Variants in HOMER1 observed in about 807,000 individuals in gnomAD.
The protein encoded by HOMER1 is homer protein homolog 1.
Under a neutral mutation model 48.9 loss-of-function variants are expected in HOMER1, and 3 were observed. That is an observed-to-expected ratio of 0.06 (90% CI 0.03 to 0.16). The LOEUF (loss-of-function observed/expected upper bound fraction) is 0.16, where lower values mean the gene tolerates loss of function less well. HOMER1 is among the 10% of genes least tolerant of loss of function. The probability of loss-of-function intolerance (pLI) is 1.00; values close to 1 mark genes in which losing one functional copy is unlikely to be tolerated. For synonymous variants in HOMER1, 134 were observed against 146.4 expected, an observed-to-expected ratio of 0.92 and a Z score of 0.61; for missense variants, 247 against 411.4, an observed-to-expected ratio of 0.60 and a Z score of 3.46.
Position 79,430,660 on chromosome 5 carries a change from C to T in HOMER1, c.527+8350G>A, listed in dbSNP as rs115679525. Among the ~76,000 whole-genome samples the T allele has an allele frequency of 6.4e-3, 980 of 152,240 alleles. 8 individuals are homozygous for T. Among genetic ancestry groups the T allele is most frequent in the African/African-American group, 0.021 (885 of 41,548 alleles). On this transcript the variant is annotated intron_variant, in intron 5 of 8. Coordinates refer to ENST00000334082, the MANE Select transcript of HOMER1 (RefSeq NM_004272.5). ...TGGATGGATAAATAAAACATGGTGC[C>T]GGGCGTGGTGGCTCACGCCTGTAAT...
intron 5 of HOMER1, among the ~76,000 whole-genome samples, chr5:79,427,529 C>T (rs1215752078): frequency 6.6e-6 from 1 of 152,174 alleles, no homozygotes; most frequent in African/African-American, 2.4e-5. Context: ...GCTGGGATTA[C>T]AGGCGTGCAC....
At chr5:79,433,042 T>C (rs1006929862) in intron 5 of HOMER1, among the ~76,000 whole-genome samples, 4 of 152,236 alleles carry the variant, frequency 2.6e-5, no homozygotes, top group African/African-American at 9.6e-5. Context: ...AGTCACTTCT[T>C]GTGAAACCAA....
intron 1 of HOMER1, among the ~76,000 whole-genome samples, chr5:79,484,414 C>A (rs1752038765): frequency 6.6e-6 from 1 of 152,016 alleles, no homozygotes. Flanking sequence ...TGTACATGAT[C>A]TAAACACCCA....
chr5:79,418,020 A>G (rs573923938), intron 5 of HOMER1, among the ~76,000 whole-genome samples: 2 of 152,338 alleles, frequency 1.3e-5, no homozygotes, highest in Non-Finnish European at 2.9e-5. Flanking sequence ...TTGAATCAGA[A>G]AACTTTTGCA....
intron 2 of HOMER1, among the ~76,000 whole-genome samples, chr5:79,452,427 G>A (rs759950801): frequency 1.3e-5 from 2 of 152,056 alleles, no homozygotes; most frequent in Non-Finnish European, 2.9e-5. Flanking sequence ...TTAGTCTAAC[G>A]CACTCCAAAT....
intron 8 of HOMER1, among the ~76,000 whole-genome samples, chr5:79,393,703 A>G (rs1749309577): frequency 6.6e-6 from 1 of 152,192 alleles, no homozygotes; most frequent in Non-Finnish European, 1.5e-5. Flanking sequence ...AAATAATCAG[A>G]AAGGCAAAGA....
intron 8 of HOMER1, among the ~76,000 whole-genome samples, chr5:79,381,971 A>C (rs1420859500): frequency 6.6e-6 from 1 of 152,204 alleles, no homozygotes; most frequent in African/African-American, 2.4e-5. Flanking sequence ...TATAAAAAAG[A>C]ATCAAACAGA....
intron 1 of HOMER1, among the ~76,000 whole-genome samples, chr5:79,467,749 A>C (rs1751512152): frequency 6.6e-6 from 1 of 152,198 alleles, no homozygotes; most frequent in African/African-American, 2.4e-5. Context: ...AATTTGAATA[A>C]TCGGCCACAT....
chr5:79,445,472 T>C (rs2112285231), intron 4 of HOMER1, among the ~76,000 whole-genome samples: 1 of 152,366 alleles, frequency 6.6e-6, no homozygotes, highest in African/African-American at 2.4e-5. Flanking sequence ...TCAACTTTAC[T>C]TGGAGATATA....
intron 1 of HOMER1, among the ~76,000 whole-genome samples, chr5:79,470,941 G>A (rs866515804): frequency 9.2e-5 from 14 of 152,152 alleles, no homozygotes; most frequent in Middle Eastern, 3.4e-3. Flanking sequence ...ATACATGGAG[G>A]ATACACTTAC....
intron 1 of HOMER1, among the ~76,000 whole-genome samples, chr5:79,507,990 C>T (rs1752825285): frequency 6.6e-6 from 1 of 152,202 alleles, no homozygotes. Flanking sequence ...GTCACCATCC[C>T]TCCCCTCCCC....
At chr5:79,425,699 A>T (rs1750228940) in intron 5 of HOMER1, among the ~76,000 whole-genome samples, 2 of 151,980 alleles carry the variant, frequency 1.3e-5, no homozygotes, top group African/African-American at 4.8e-5. Context: ...GTGTTCTTGG[A>T]CTCAGGTAAC....
chr5:79,455,015 A>G (rs1337966345), intron 2 of HOMER1, among the ~76,000 whole-genome samples: 3 of 152,096 alleles, frequency 2.0e-5, no homozygotes, highest in Non-Finnish European at 4.4e-5. Context: ...TCTGGATATA[A>G]TCATAGCTCA....
At chr5:79,387,396 T>C (rs1749146107) in intron 8 of HOMER1, among the ~76,000 whole-genome samples, 1 of 152,134 alleles carries the variant, frequency 6.6e-6, no homozygotes, top group Admixed American at 6.6e-5. Context: ...CCCAAAGTAC[T>C]GGGATTACAG....
In HOMER1 at chr5:79,489,380, C is replaced by T. The variant is rs556433106; in HGVS notation, c.5+23390G>A. 1.3e-3 allele frequency among the ~76,000 whole-genome samples: 205 copies of T among 152,160 alleles called. 1 individual carries two copies. The highest frequency in any genetic ancestry group is 2.5e-3 in the Non-Finnish European group (172 of 68,002). ...GCTCTACCATCAGCTAGCATTGAGA[C>T]TTTGGGCAAAGTCCTCAGTTGCCTC... On this transcript the variant is annotated intron_variant, in intron 1 of 8. Coordinates refer to ENST00000334082, the MANE Select transcript of HOMER1 (RefSeq NM_004272.5).
At chr5:79,407,273 T>C (rs1347248677) in intron 5 of HOMER1, among the ~76,000 whole-genome samples, 1 of 151,782 alleles carries the variant, frequency 6.6e-6, no homozygotes, top group Non-Finnish European at 1.5e-5. Context: ...CACACAATGT[T>C]TAGCATTCAA....
At chr5:79,393,591 A>G (rs1187978726) in intron 8 of HOMER1, among the ~76,000 whole-genome samples, 3 of 152,356 alleles carry the variant, frequency 2.0e-5, no homozygotes, top group African/African-American at 7.2e-5. Flanking sequence ...GGGGGTACCA[A>G]TATCCAGTGG....
intron 5 of HOMER1, among the ~76,000 whole-genome samples, chr5:79,418,131 T>A (rs1368371611): frequency 6.6e-6 from 1 of 152,212 alleles, no homozygotes; most frequent in Non-Finnish European, 1.5e-5. Context: ...GGCAGAATCA[T>A]CCCTACCAAC....
intron 5 of HOMER1, among the ~76,000 whole-genome samples, chr5:79,407,909 A>G (rs1029043589): frequency 2.0e-5 from 3 of 152,234 alleles, no homozygotes; most frequent in Non-Finnish European, 4.4e-5. Flanking sequence ...CCAGTTACAC[A>G]TGGTCAACTA....
Sources: gnomAD v4.1 joint callset for allele counts (sites outside exome capture counted in the v4.1 genomes callset) on GRCh38, gnomAD v4.1.1 for gene constraint, MANE v1.5 for transcripts, NCBI Gene and HGNC (gene_info 2026-07-23, HGNC 2026-07-21) for gene names.